The following TPD52L2 variants were observed in gnomAD, a reference collection of about 807,000 sequenced individuals.
The protein encoded by TPD52L2 is TPD52 like 2, also known as tumor protein D54.
In TPD52L2, 19 loss-of-function variants were observed where a neutral mutation model predicts 24.7. The observed-to-expected ratio is 0.77, with a 90% CI of 0.54 to 1.13. The LOEUF (loss-of-function observed/expected upper bound fraction) is 1.13, where lower values mean the gene tolerates loss of function less well. TPD52L2 is among the 50% of genes most tolerant of loss of function. TPD52L2 has a pLI of 0.00. For synonymous variants in TPD52L2, 104 were observed against 100.2 expected (o/e 1.04, Z -0.23); for missense variants, 236 against 250.4 (o/e 0.94, Z 0.39).
rs1365821193 is a variant in TPD52L2 at position 63,886,418 on chromosome 20, T to C, written c.477-2772T>C. Among the ~76,000 whole-genome samples, 16 of 151,886 alleles carry C rather than the reference T, an allele frequency of 1.1e-4. No homozygotes were observed. The South Asian group carries it at 2.9e-3, about 28-fold the overall frequency. On this transcript the variant is annotated intron_variant, in intron 5 of 6. Coordinates refer to ENST00000346249, the MANE Select transcript of TPD52L2 (RefSeq NM_003288.4). ...CTCTGTCGCCCAGGTTGGAGTGCCG[T>C]GGCGCGATCTCGGCTCACTGCAAGC...
intron 6 of TPD52L2, 76 bp from the exon 7 acceptor site, chr20:63,889,774 A>AGCAT: frequency 7.1e-7 from 1 of 1,403,914 alleles, no homozygotes; most frequent in Non-Finnish European, 9.9e-7. Flanking sequence ...TAGAGCATTG[A>AGCAT]GCATGGGCCT....
intron 2 of TPD52L2, among the ~76,000 whole-genome samples, chr20:63,870,520 GTTTTTTTTTT>G (rs959786861): frequency 4.3e-4 from 41 of 94,558 alleles, no homozygotes; most frequent in Non-Finnish European, 6.4e-4. Context: ...ATAAGGTGAA[GTTTTTTTTTT>G]TTTTTTTTTT....
intron 4 of TPD52L2, among the ~76,000 whole-genome samples, chr20:63,879,370 G>T (rs1009973797): frequency 6.6e-5 from 10 of 152,048 alleles, no homozygotes; most frequent in Non-Finnish European, 1.3e-4. Context: ...AGTGGTCAGT[G>T]GCCAGGAACC....
chr20:63,865,296 C>A lies in TPD52L2; in HGVS notation c.-70C>A. The stretch of plus-strand genomic sequence containing the variant: ...GTTCCGCTGGCTAGTGTGTACGCGG[C>A]GAGCTTCTCCCGGCGCCGCCCGCTC... On this transcript the variant is annotated 5_prime_UTR_variant, in exon 1 of 7. Coordinates refer to ENST00000346249, the MANE Select transcript of TPD52L2 (RefSeq NM_003288.4). 1 of 1,481,082 alleles carries A rather than the reference C, an allele frequency of 6.8e-7. No homozygotes were observed. Among genetic ancestry groups the A allele is most frequent in the Non-Finnish European group, 8.9e-7 (1 of 1,120,328 alleles). 91.7% of individuals were successfully genotyped at this position (1,481,082 alleles called of 1,614,324 possible).
rs1229459411 is a variant in TPD52L2, at chr20:63,890,206, A to G, written c.*261A>G. On this transcript the variant is annotated 3_prime_UTR_variant, in exon 7 of 7. Coordinates refer to ENST00000346249, the MANE Select transcript of TPD52L2 (RefSeq NM_003288.4). The stretch of plus-strand genomic sequence containing the variant: ...CTTCCTAGGGGTGCAGGAAGTGGAC[A>G]GGGCGGAGGGTTTGAAAGAATATTG... 3 of 728,292 alleles carry G rather than the reference A, an allele frequency of 4.1e-6. No homozygotes were observed. Among genetic ancestry groups the G allele is most frequent in the Non-Finnish European group, 4.3e-6 (2 of 469,020 alleles). The allele number at this position is 728,292 out of a possible 1,614,324, so 45.1% of individuals were successfully genotyped here.
intron 4 of TPD52L2, among the ~76,000 whole-genome samples, chr20:63,878,513 C>T (rs1487684608): frequency 6.6e-6 from 1 of 152,212 alleles, no homozygotes; most frequent in East Asian, 1.9e-4. Flanking sequence ...GAGGTGGGAG[C>T]ACTCACCAGG....
At chr20:63,876,953 A>G (rs935503299) in intron 4 of TPD52L2, 6 of 454,210 alleles carry the variant, frequency 1.3e-5, no homozygotes, top group Middle Eastern at 4.0e-4. Flanking sequence ...GCATGGCTAC[A>G]GCAGCCAGCT....
intron 5 of TPD52L2, chr20:63,887,240 A>C: frequency 2.2e-6 from 1 of 458,224 alleles, no homozygotes; most frequent in East Asian, 4.4e-5. Context: ...TTTTGCCAAA[A>C]GGTCCTTACT....
chr20:63,868,459 C>A (rs573707221), intron 1 of TPD52L2, among the ~76,000 whole-genome samples: 1 of 152,194 alleles, frequency 6.6e-6, no homozygotes, highest in Non-Finnish European at 1.5e-5. Context: ...TGCCTGCTGG[C>A]GGCCTTCTGG....
chr20:63,886,365 CT>C lies in TPD52L2; in HGVS notation c.477-2811del, dbSNP rs536322547. On this transcript the variant is annotated intron_variant, in intron 5 of 6. Coordinates refer to ENST00000346249, the MANE Select transcript of TPD52L2 (RefSeq NM_003288.4). Reference sequence around the variant, plus strand: ...GCCTGAGTTTACTCCTGAAAAGGAGCTTTTTTTTTTTTTTAGACGGAGTCTT... The same window carrying C: ...GCCTGAGTTTACTCCTGAAAAGGAGCTTTTTTTTTTTTTAGACGGAGTCTT... 9.0e-3 allele frequency among the ~76,000 whole-genome samples: 1,290 copies of C among 142,570 alleles called. 4 individuals carry two copies. Among genetic ancestry groups the C allele is most frequent in the African/African-American group, 0.017 (668 of 39,082 alleles). The allele number at this position is 142,570 out of a possible 152,430, so 93.5% of individuals were successfully genotyped here.
At chr20:63,865,486 G>C in intron 1 of TPD52L2, 102 bp downstream of exon 1, 1 of 1,425,846 alleles carries the variant, frequency 7.0e-7, no homozygotes, top group Non-Finnish European at 9.3e-7. Flanking sequence ...TCTCGGTCTC[G>C]GTTCACCCAC....
chr20:63,883,866 A>G (rs974456156), intron 5 of TPD52L2, among the ~76,000 whole-genome samples: 1 of 144,790 alleles, frequency 6.9e-6, no homozygotes, highest in Non-Finnish European at 1.5e-5. Flanking sequence ...GCCTTAGGTT[A>G]GGTGTGTCCT....
chr20:63,879,339 T>A (rs1231776954), intron 4 of TPD52L2, among the ~76,000 whole-genome samples: 2 of 152,098 alleles, frequency 1.3e-5, no homozygotes, highest in Non-Finnish European at 2.9e-5. Context: ...CTGATCACAG[T>A]GGCACCGGGT....
chr20:63,873,827 G>A lies in TPD52L2; in HGVS notation c.314+11G>A, dbSNP rs199595389. 1 of 1,507,836 alleles carries A rather than the reference G, an allele frequency of 6.6e-7. No individual in the cohort carries two copies. The highest frequency in any genetic ancestry group is 1.4e-5 in the African/African-American group (1 of 70,670). The allele number at this position is 1,507,836 out of a possible 1,614,324, so 93.4% of individuals were successfully genotyped here. On this transcript the variant is annotated intron_variant, in intron 3 of 6. Coordinates refer to ENST00000346249, the MANE Select transcript of TPD52L2 (RefSeq NM_003288.4). The stretch of plus-strand genomic sequence containing the variant: ...GCAGGTCTCTAGCGCGTAGGTACCT[G>A]CCCCAGGCGCACCCCTGGGGGCTGA...
At chr20:63,889,752 C>T in intron 6 of TPD52L2, 98 bp from the exon 7 acceptor site, 2 of 1,189,898 alleles carry the variant, frequency 1.7e-6, no homozygotes, top group Non-Finnish European at 2.4e-6. Flanking sequence ...GTTCGTGTTA[C>T]ATAAGCTTTT....
chr20:63,867,775 TTTTTC>T (rs1330667586), intron 1 of TPD52L2, among the ~76,000 whole-genome samples: 1 of 151,014 alleles, frequency 6.6e-6, no homozygotes, highest in Middle Eastern at 3.4e-3. Flanking sequence ...TTTTTTTTTC[TTTTTC>T]TTTTCTTTTG....
chr20:63,867,978 G>A (rs768319414), intron 1 of TPD52L2, among the ~76,000 whole-genome samples: 5 of 150,038 alleles, frequency 3.3e-5, no homozygotes, highest in Admixed American at 1.3e-4. Flanking sequence ...TTTTGGCCGC[G>A]CGTGGTGGCT....
At chr20:63,876,565 G>C (rs904125296) in intron 4 of TPD52L2, 6 of 356,096 alleles carry the variant, frequency 1.7e-5, no homozygotes, top group Non-Finnish European at 3.3e-5. Context: ...CTGAGGAGGG[G>C]AATATTTTTA....
At chr20:63,887,185 A>G in intron 5 of TPD52L2, 1 of 361,392 alleles carries the variant, frequency 2.8e-6, no homozygotes, top group South Asian at 2.3e-5. Context: ...CAGGCCCAGA[A>G]CAATCTGTGA....
Sources: allele counts gnomAD v4.1 joint callset (sites outside exome capture counted in the v4.1 genomes callset), GRCh38; gene constraint gnomAD v4.1.1; transcripts MANE v1.5; gene names NCBI Gene and HGNC (gene_info 2026-07-23, HGNC 2026-07-21).